The following SORCS1 variants were observed in gnomAD, a reference collection of about 807,000 sequenced individuals.
SORCS1 encodes VPS10 domain-containing receptor SorCS1.
SORCS1 carries 60 observed loss-of-function variants against 146.1 expected under a neutral mutation model. The observed-to-expected ratio is 0.41, with a 90% confidence interval of 0.33 to 0.51. The LOEUF is 0.51. Among genes scored for constraint, SORCS1 ranks in the 20% least tolerant of loss-of-function variants. The pLI, the probability that SORCS1 is intolerant of heterozygous loss-of-function variation, is 0.21. For synonymous variants in SORCS1, 637 were observed against 584.0 expected (o/e 1.09, Z -1.31); for missense variants, 1,352 against 1,487.6 (o/e 0.91, Z 1.50).
At chr10:107,041,203 GAT>G (rs1959139481) in intron 1 of SORCS1, among the ~76,000 whole-genome samples, 1 of 151,968 alleles carries the variant, frequency 6.6e-6, no homozygotes, top group Non-Finnish European at 1.5e-5. Flanking sequence ...AGTAAAATAC[GAT>G]ATATTTTACC....
chr10:107,062,453 A>G (rs1961314481), intron 1 of SORCS1, among the ~76,000 whole-genome samples: 1 of 152,052 alleles, frequency 6.6e-6, no homozygotes, highest in Non-Finnish European at 1.5e-5. Flanking sequence ...TATAAACATA[A>G]TTATAATTAA....
intron 1 of SORCS1, among the ~76,000 whole-genome samples, chr10:107,022,327 A>G (rs746002586): frequency 1.4e-4 from 22 of 152,224 alleles, no homozygotes; most frequent in Non-Finnish European, 2.8e-4. Flanking sequence ...GTCCAGACCA[A>G]TCTTAAATCA....
rs556594835 is a variant in SORCS1 at position 107,053,480 on chromosome 10, A to G, written c.559-96900T>C. ...TATAAACTGCAGAGTGAGCAAACAC[A>G]TATTTATTCTTTACCAGTTGTATAT... is the stretch of plus-strand genomic sequence containing the variant. On this transcript the variant is annotated intron_variant, in intron 1 of 25. Transcript: ENST00000263054. Among the ~76,000 whole-genome samples the G allele has an allele frequency of 6.1e-4, 93 of 152,246 alleles. 1 individual carries two copies. The highest frequency in any genetic ancestry group is 2.2e-3 in the African/African-American group (92 of 41,548).
intron 25 of SORCS1, chr10:106,577,992 G>A (rs1308840139): frequency 6.4e-6 from 1 of 155,288 alleles, no homozygotes; most frequent in Non-Finnish European, 1.4e-5. Context: ...TTCATTTAAA[G>A]AGGGTTATGT....
At chr10:106,577,777 G>T in intron 25 of SORCS1, 1 of 789,240 alleles carries the variant, frequency 1.3e-6, no homozygotes, top group Non-Finnish European at 1.8e-6. Flanking sequence ...CAGGGTGAAT[G>T]CTTCTCTGGA....
At chr10:107,136,917 T>A (rs964597679) in intron 1 of SORCS1, among the ~76,000 whole-genome samples, 6 of 152,184 alleles carry the variant, frequency 3.9e-5, no homozygotes, top group African/African-American at 1.4e-4. Context: ...CCTAACTCTA[T>A]CTGGGAACAA....
chr10:106,741,961 C>T (rs1370774463), intron 5 of SORCS1, among the ~76,000 whole-genome samples: 1 of 152,180 alleles, frequency 6.6e-6, no homozygotes, highest in East Asian at 1.9e-4. Context: ...CATACTTCGT[C>T]AGATTATTAT....
At chr10:107,094,117 A>G (rs1490790756) in intron 1 of SORCS1, among the ~76,000 whole-genome samples, 2 of 152,176 alleles carry the variant, frequency 1.3e-5, no homozygotes, top group Non-Finnish European at 2.9e-5. Flanking sequence ...TGCCCTTTAT[A>G]TATTTCACTA....
the SORCS1 span, among the ~76,000 whole-genome samples, chr10:107,174,862 AG>A: frequency 6.6e-6 from 1 of 152,180 alleles, no homozygotes; most frequent in African/African-American, 2.4e-5. Context: ...GCTCAAGAGC[AG>A]GGGGAAAGGT....
intron 8 of SORCS1, among the ~76,000 whole-genome samples, chr10:106,701,430 T>C (rs1306648853): frequency 6.6e-6 from 1 of 152,208 alleles, no homozygotes; most frequent in Non-Finnish European, 1.5e-5. Context: ...ATAAGGTCAA[T>C]ATGACATGTT....
Position 106,912,129 on chromosome 10 carries a change from C to A in SORCS1, c.626+44384G>T, listed in dbSNP as rs867614867. 3.9e-3 allele frequency among the ~76,000 whole-genome samples: 527 copies of A among 133,458 alleles called. 2 individuals are homozygous for A. Among genetic ancestry groups the A allele is most frequent in the African/African-American group, 0.012 (424 of 34,482 alleles). The allele number at this position is 133,458 out of a possible 152,430, so 87.6% of individuals were successfully genotyped here. On this transcript the variant is annotated intron_variant, in intron 2 of 25. Coordinates refer to ENST00000263054, the MANE Select transcript of SORCS1 (RefSeq NM_052918.5). ...CTCCGTCTCAAAAAAAAAAAACAAA[C>A]AAACAAACAAACAAAAAAAGGCTGC...
chr10:106,744,115 A>C (rs550639599), intron 5 of SORCS1, among the ~76,000 whole-genome samples: 1 of 152,028 alleles, frequency 6.6e-6, no homozygotes, highest in African/African-American at 2.4e-5. Context: ...TTATTTATTT[A>C]TTTACTTGAC....
intron 5 of SORCS1, among the ~76,000 whole-genome samples, chr10:106,745,613 T>G (rs574283867): frequency 2.3e-4 from 35 of 152,274 alleles, no homozygotes; most frequent in Admixed American, 2.3e-3. Context: ...TATTAACATA[T>G]GTTCACACAC....
intron 2 of SORCS1, among the ~76,000 whole-genome samples, chr10:106,885,497 T>C (rs1334098135): frequency 6.6e-6 from 1 of 152,116 alleles, no homozygotes; most frequent in East Asian, 1.9e-4. Context: ...AGGAAAGAGA[T>C]TTGGCAGGTC....
At chr10:107,161,911 T>C (rs941761221) in intron 1 of SORCS1, among the ~76,000 whole-genome samples, 1 of 152,174 alleles carries the variant, frequency 6.6e-6, no homozygotes, top group Non-Finnish European at 1.5e-5. Context: ...GAGGTCTTTA[T>C]GGAATAAGAG....
chr10:107,042,873 G>C (rs773482673), intron 1 of SORCS1, among the ~76,000 whole-genome samples: 18 of 152,088 alleles, frequency 1.2e-4, no homozygotes, highest in Non-Finnish European at 2.1e-4. Context: ...GCCTCCCAAT[G>C]TTCTGGGATT....
rs373514902 is a variant in SORCS1 at position 106,824,808 on chromosome 10, A to T, written c.726+4766T>A. ...AGAGACCCGTAGGAATGACCAATGT[A>T]TTCTGAGGAGCTAGGGTCCTCTTTA... On this transcript the variant is annotated intron_variant, in intron 3 of 25. Coordinates refer to ENST00000263054, the MANE Select transcript of SORCS1 (RefSeq NM_052918.5). 5.3e-5 allele frequency among the ~76,000 whole-genome samples: 8 copies of T among 152,334 alleles called. No individual in the cohort carries two copies. In the East Asian group the frequency reaches 7.7e-4, roughly 15 times the overall value.
At chr10:107,118,819 T>A (rs1189298305) in intron 1 of SORCS1, among the ~76,000 whole-genome samples, 1 of 152,192 alleles carries the variant, frequency 6.6e-6, no homozygotes. Flanking sequence ...AAATAACATA[T>A]AACTATGTCT....
intron 2 of SORCS1, among the ~76,000 whole-genome samples, chr10:106,940,992 G>A (rs972945299): frequency 4.1e-4 from 63 of 152,164 alleles, no homozygotes; most frequent in African/African-American, 1.3e-3. Flanking sequence ...TCTGGAGCTC[G>A]ACTGGTTCAG....
Sources: allele counts gnomAD v4.1 joint callset (sites outside exome capture counted in the v4.1 genomes callset), GRCh38; gene constraint gnomAD v4.1.1; transcripts MANE v1.5; gene names NCBI Gene and HGNC (gene_info 2026-07-23, HGNC 2026-07-21).